KHDRBS2: variants seen among roughly 807,000 people sequenced by gnomAD.
KHDRBS2 encodes the protein KH RNA binding domain containing, signal transduction associated 2.
In KHDRBS2, 26 loss-of-function variants were observed where a neutral mutation model predicts 44.3. The observed-to-expected ratio is 0.59, with a 90% confidence interval of 0.43 to 0.81. The LOEUF is 0.81. KHDRBS2 is among the 40% of genes least tolerant of loss of function. The pLI is 0.00. For missense variants in KHDRBS2, 476 were observed against 433.1 expected (o/e 1.10, Z -0.88); for synonymous variants, 194 against 151.1 (o/e 1.28, Z -2.08).
the KHDRBS2 span, among the ~76,000 whole-genome samples, chr6:61,661,718 C>T: frequency 6.6e-6 from 1 of 151,730 alleles, no homozygotes; most frequent in African/African-American, 2.4e-5. Flanking sequence ...TCAAGGAGAA[C>T]TACAAACCAC....
the KHDRBS2 span, among the ~76,000 whole-genome samples, chr6:61,655,517 A>T: frequency 6.6e-5 from 10 of 152,082 alleles, no homozygotes; most frequent in African/African-American, 2.4e-4. Context: ...GGTCTCCCAA[A>T]GTGTTGGGAT....
chr6:61,950,184 T>C (rs945991572), intron 4 of KHDRBS2, among the ~76,000 whole-genome samples: 11 of 152,048 alleles, frequency 7.2e-5, no homozygotes, highest in African/African-American at 2.7e-4. Flanking sequence ...TGTGTGAAAA[T>C]GCTATTTTGT....
At chr6:61,573,055 T>G in the KHDRBS2 span, among the ~76,000 whole-genome samples, 1 of 152,170 alleles carries the variant, frequency 6.6e-6, no homozygotes, top group Non-Finnish European at 1.5e-5. Context: ...TATATGATTG[T>G]GTACCTAGAA....
intron 7 of KHDRBS2, among the ~76,000 whole-genome samples, chr6:61,731,719 C>T (rs1435161522): frequency 1.3e-5 from 2 of 152,042 alleles, no homozygotes; most frequent in Non-Finnish European, 2.9e-5. Flanking sequence ...TTCTGTCAAT[C>T]ACATAAATGG....
chr6:61,740,780 CA>C (rs1466812611), intron 6 of KHDRBS2, among the ~76,000 whole-genome samples: 19 of 151,832 alleles, frequency 1.3e-4, no homozygotes, highest in Admixed American at 1.2e-3. Flanking sequence ...GTTTTCTTGT[CA>C]GGTCATTAGG....
chr6:61,619,715 A>G, the KHDRBS2 span, among the ~76,000 whole-genome samples: 3 of 151,980 alleles, frequency 2.0e-5, no homozygotes, highest in Admixed American at 6.6e-5. Context: ...CGGCCTCCCA[A>G]AGTGCTGGGA....
At chr6:62,030,282 T>A (rs926213474) in intron 3 of KHDRBS2, among the ~76,000 whole-genome samples, 1 of 152,040 alleles carries the variant, frequency 6.6e-6, no homozygotes, top group Non-Finnish European at 1.5e-5. Context: ...TAGAACAATA[T>A]AATTTTCTAA....
intron 4 of KHDRBS2, among the ~76,000 whole-genome samples, chr6:61,940,344 C>G (rs1811897287): frequency 1.3e-5 from 2 of 152,106 alleles, no homozygotes; most frequent in Non-Finnish European, 1.5e-5. Flanking sequence ...AAAGGTAAGT[C>G]AGTGGTCCAT....
intron 1 of KHDRBS2, among the ~76,000 whole-genome samples, chr6:62,215,243 T>C (rs565219224): frequency 8.8e-4 from 133 of 151,920 alleles, no homozygotes; most frequent in African/African-American, 3.0e-3. Flanking sequence ...TAGACATATG[T>C]CCCCCCTCAC....
chr6:62,180,871 T>C (rs1822120226), intron 1 of KHDRBS2, among the ~76,000 whole-genome samples: 1 of 151,148 alleles, frequency 6.6e-6, no homozygotes, highest in South Asian at 2.1e-4. Context: ...TAACATGGAG[T>C]CCAGACATGA....
the KHDRBS2 span, among the ~76,000 whole-genome samples, chr6:61,583,315 T>C: frequency 6.6e-6 from 1 of 151,846 alleles, no homozygotes; most frequent in African/African-American, 2.4e-5. Context: ...ATAAATTGTT[T>C]GTTTCTCTTT....
At chr6:62,078,063 T>G (rs1227211492) in intron 2 of KHDRBS2, among the ~76,000 whole-genome samples, 1 of 152,056 alleles carries the variant, frequency 6.6e-6, no homozygotes, top group East Asian at 1.9e-4. Flanking sequence ...GCAAAGCAAT[T>G]TAATAAATGT....
At chr6:62,099,627 A>C (rs1212759939) in intron 2 of KHDRBS2, among the ~76,000 whole-genome samples, 1 of 152,178 alleles carries the variant, frequency 6.6e-6, no homozygotes, top group Non-Finnish European at 1.5e-5. Context: ...AAGGGCCAGC[A>C]CTGGGCTCCA....
At chr6:62,166,652 G>A (rs1347261792) in intron 2 of KHDRBS2, among the ~76,000 whole-genome samples, 1 of 151,746 alleles carries the variant, frequency 6.6e-6, no homozygotes, top group African/African-American at 2.4e-5. Context: ...ATTTTTCTCC[G>A]AATCCCCCAA....
intron 7 of KHDRBS2, among the ~76,000 whole-genome samples, chr6:61,713,435 T>C (rs1039083365): frequency 6.6e-6 from 1 of 151,774 alleles, no homozygotes; most frequent in Non-Finnish European, 1.5e-5. Context: ...AGATATAAAG[T>C]GTGTTGTTAT....
the KHDRBS2 span, among the ~76,000 whole-genome samples, chr6:61,635,772 A>T: frequency 1.3e-5 from 2 of 152,064 alleles, no homozygotes; most frequent in South Asian, 4.1e-4. Context: ...TTAAATAAAA[A>T]TCATTATTAA....
chr6:61,930,209 C>T (rs1562461505), intron 4 of KHDRBS2, among the ~76,000 whole-genome samples: 1 of 152,014 alleles, frequency 6.6e-6, no homozygotes, highest in African/African-American at 2.4e-5. Context: ...CCTGCAGGCA[C>T]CTTGATATTA....
At chr6:61,790,408 A>T (rs72880614) in intron 6 of KHDRBS2, among the ~76,000 whole-genome samples, 2 of 95,658 alleles carry the variant, frequency 2.1e-5, no homozygotes, top group East Asian at 2.4e-4. Context: ...CTTGGGACTT[A>T]AAAAAAAAAA....
chr6:61,924,385 T>C (rs1808588946), intron 4 of KHDRBS2, among the ~76,000 whole-genome samples: 1 of 152,090 alleles, frequency 6.6e-6, no homozygotes, highest in Non-Finnish European at 1.5e-5. Flanking sequence ...ATTTTGACAG[T>C]AGTGACTGTT....
Sources: gnomAD v4.1 joint callset for allele counts (sites outside exome capture counted in the v4.1 genomes callset) on GRCh38, gnomAD v4.1.1 for gene constraint, MANE v1.5 for transcripts, NCBI Gene and HGNC (gene_info 2026-07-23, HGNC 2026-07-21) for gene names.